The following INO80 variants were observed in gnomAD, a reference collection of about 807,000 sequenced individuals.
The protein encoded by INO80 is INO80 complex ATPase subunit, also known as chromatin-remodeling ATPase INO80.
INO80 carries 20 observed loss-of-function variants against 203.4 expected under a neutral mutation model. The ratio of observed to expected loss-of-function variants is 0.10; its 90% confidence interval spans 0.07 to 0.14. The LOEUF (loss-of-function observed/expected upper bound fraction) is 0.14, where lower values mean the gene tolerates loss of function less well. Among genes scored for constraint, INO80 ranks in the 10% least tolerant of loss-of-function variants. The probability of loss-of-function intolerance (pLI) is 1.00; values close to 1 mark genes in which losing one functional copy is unlikely to be tolerated. For synonymous variants in INO80, 726 were observed against 685.2 expected (o/e 1.06, Z -0.93); for missense variants, 1,419 against 1,914.4 (o/e 0.74, Z 4.83).
chr15:41,045,114 C>T, intron 23 of INO80, 39 bp from the exon 24 acceptor site: 1 of 1,528,622 alleles, frequency 6.5e-7, no homozygotes. Flanking sequence ...TTCAGTGCTC[C>T]ATGGAGGTTT....
chr15:41,100,761 G>C (rs1446195030), intron 1 of INO80, among the ~76,000 whole-genome samples: 1 of 151,694 alleles, frequency 6.6e-6, no homozygotes, highest in Non-Finnish European at 1.5e-5. Context: ...CCATTTTTAA[G>C]TGTACACTTC....
At chr15:41,048,159 G>T in intron 22 of INO80, 53 bp downstream of exon 22, 2 of 1,356,152 alleles carry the variant, frequency 1.5e-6, no homozygotes, top group Non-Finnish European at 2.1e-6. Context: ...AAAACAAAGA[G>T]CATCCTGGTA....
At chr15:40,989,362 G>A (rs888307333) in intron 29 of INO80, among the ~76,000 whole-genome samples, 1 of 152,186 alleles carries the variant, frequency 6.6e-6, no homozygotes, top group Admixed American at 6.5e-5. Context: ...TCACCACTAA[G>A]TGAGTGATCC....
intron 14 of INO80, among the ~76,000 whole-genome samples, chr15:41,063,539 T>C (rs923677741): frequency 1.2e-4 from 19 of 152,050 alleles, no homozygotes; most frequent in Non-Finnish European, 1.5e-5. Context: ...TTTGGGAAGC[T>C]GAGGCAGGCG....
At chr15:41,055,976 A>G (rs1596297890) in intron 17 of INO80, among the ~76,000 whole-genome samples, 1 of 126,006 alleles carries the variant, frequency 7.9e-6, no homozygotes, top group African/African-American at 3.0e-5. Context: ...ATGGAGTCTC[A>G]CTCTGTTGCC....
At chr15:41,069,315 T>C (rs2045274585) in intron 14 of INO80, among the ~76,000 whole-genome samples, 3 of 148,724 alleles carry the variant, frequency 2.0e-5, no homozygotes, top group Admixed American at 1.3e-4. Flanking sequence ...TACAGACACA[T>C]GGCACCATGC....
rs189489179 is a variant in INO80 at position 41,085,120 on chromosome 15, G to A, written c.873+249C>T. Among the ~76,000 whole-genome samples, 83 of 152,260 alleles carry A rather than the reference G, an allele frequency of 5.5e-4. 2 individuals are homozygous for A. The highest frequency in any genetic ancestry group is 1.9e-3 in the African/African-American group (79 of 41,546). ...TTTAGGAAAACTGCATTCTTTTCTTGAAGAAGTTGTCCTCCAATTTTTTGA... is the reference window on the plus strand; with the variant it reads ...TTTAGGAAAACTGCATTCTTTTCTTAAAGAAGTTGTCCTCCAATTTTTTGA... On this transcript the variant is annotated intron_variant, in intron 7 of 35. Transcript: ENST00000648947.
intron 29 of INO80, among the ~76,000 whole-genome samples, chr15:40,995,123 T>C (rs945587514): frequency 6.6e-6 from 1 of 152,264 alleles, no homozygotes; most frequent in Non-Finnish European, 1.5e-5. Context: ...CCCAAAGTGC[T>C]GGGATTACAA....
intron 4 of INO80, 33 bp downstream of exon 4, chr15:41,095,568 T>C: frequency 6.7e-7 from 1 of 1,482,348 alleles, no homozygotes; most frequent in South Asian, 1.1e-5. Flanking sequence ...TAGTAGACTA[T>C]CTGCACTGTA....
At chr15:41,048,160 C>T (rs2044801045) in intron 22 of INO80, 52 bp downstream of exon 22, 1 of 1,364,516 alleles carries the variant, frequency 7.3e-7, no homozygotes, top group Non-Finnish European at 1.0e-6. Flanking sequence ...AAACAAAGAG[C>T]ATCCTGGTAA....
At chr15:41,062,080 T>C (rs966839114) in intron 14 of INO80, among the ~76,000 whole-genome samples, 1 of 151,994 alleles carries the variant, frequency 6.6e-6, no homozygotes, top group East Asian at 1.9e-4. Flanking sequence ...AAATTGAATA[T>C]ACAATATGAA....
intron 23 of INO80, among the ~76,000 whole-genome samples, chr15:41,047,055 C>T (rs1340956361): frequency 6.6e-6 from 1 of 151,898 alleles, no homozygotes; most frequent in Non-Finnish European, 1.5e-5. Flanking sequence ...GCAACCTCCA[C>T]TTCCCAGGTT....
At chr15:41,101,832 G>C (rs2045812472) in intron 1 of INO80, among the ~76,000 whole-genome samples, 1 of 151,778 alleles carries the variant, frequency 6.6e-6, no homozygotes, top group Admixed American at 6.6e-5. Context: ...TTACAGGCGT[G>C]AGCCACCGCA....
At chr15:40,992,655 G>A (rs1414033015) in intron 29 of INO80, among the ~76,000 whole-genome samples, 2 of 152,084 alleles carry the variant, frequency 1.3e-5, no homozygotes, top group African/African-American at 4.8e-5. Context: ...GTATATCCTC[G>A]GAATTAATTT....
intron 23 of INO80, among the ~76,000 whole-genome samples, chr15:41,046,101 C>T (rs1332854296): frequency 6.7e-6 from 1 of 150,306 alleles, no homozygotes; most frequent in East Asian, 1.9e-4. Context: ...GTAAACAAGA[C>T]TTACTAGAAA....
intron 6 of INO80, 26 bp downstream of exon 6, chr15:41,087,536 C>A (rs761669646): frequency 2.5e-6 from 4 of 1,611,098 alleles, no homozygotes; most frequent in Middle Eastern, 1.7e-4. Flanking sequence ...AATGAATATA[C>A]GTGGAAGGCA....
At chr15:41,052,163 T>C in intron 19 of INO80, among the ~76,000 whole-genome samples, 1 of 151,838 alleles carries the variant, frequency 6.6e-6, no homozygotes, top group East Asian at 1.9e-4. Context: ...TTTTAAACAA[T>C]GAACTATTGT....
chr15:41,093,554 A>C (rs910058728), intron 4 of INO80, among the ~76,000 whole-genome samples: 1 of 152,080 alleles, frequency 6.6e-6, no homozygotes, highest in Non-Finnish European at 1.5e-5. Flanking sequence ...AAAAACTACT[A>C]AATTTTAACC....
intron 23 of INO80, among the ~76,000 whole-genome samples, chr15:41,046,680 C>T (rs1332045322): frequency 6.7e-6 from 1 of 150,214 alleles, no homozygotes; most frequent in Admixed American, 6.6e-5. Flanking sequence ...CGCAGTGGAG[C>T]GATCTTGACT....
Sources: gnomAD v4.1 joint callset for allele counts (sites outside exome capture counted in the v4.1 genomes callset) on GRCh38, gnomAD v4.1.1 for gene constraint, MANE v1.5 for transcripts, NCBI Gene and HGNC (gene_info 2026-07-23, HGNC 2026-07-21) for gene names.